Variants in ACTR3C observed in about 807,000 individuals in gnomAD.
ACTR3C encodes the protein actin-related protein 3C.
Under a neutral mutation model 26.3 loss-of-function variants are expected in ACTR3C, and 18 were observed. That is an observed-to-expected ratio of 0.68 (90% CI 0.47 to 1.01). ACTR3C has a LOEUF of 1.01. Ranked by LOEUF, ACTR3C falls within the 50% of genes least tolerant of loss-of-function variation. ACTR3C has a pLI of 0.00. For synonymous variants in ACTR3C, 55 were observed against 94.5 expected (o/e 0.58, Z 2.42); for missense variants, 184 against 250.7 (o/e 0.73, Z 1.80).
At chr7:150,024,936 G>T in the ACTR3C span, among the ~76,000 whole-genome samples, 1 of 151,876 alleles carries the variant, frequency 6.6e-6, no homozygotes, top group Admixed American at 6.6e-5. Context: ...GCAGCAAAGC[G>T]CAGGCGGCTT....
At chr7:150,098,239 T>C in the ACTR3C span, among the ~76,000 whole-genome samples, 1 of 151,822 alleles carries the variant, frequency 6.6e-6, no homozygotes, top group African/African-American at 2.4e-5. Context: ...ATTCTTGTCG[T>C]TGAGAAAGAT....
At chr7:149,975,841 A>G in the ACTR3C span, among the ~76,000 whole-genome samples, 13 of 152,188 alleles carry the variant, frequency 8.5e-5, no homozygotes, top group Non-Finnish European at 4.4e-5. Flanking sequence ...CAAGAACAGC[A>G]TGGGGGAAAC....
At chr7:150,242,468 A>C (rs1832244236), downstream of ACTR3C, among the ~76,000 whole-genome samples, 1 of 150,894 alleles carries the variant, frequency 6.6e-6, no homozygotes, top group African/African-American at 2.5e-5. Flanking sequence ...ACTCAGGCCT[A>C]AACATGTATA....
intron 1 of ACTR3C, among the ~76,000 whole-genome samples, chr7:150,315,155 A>T (rs1023146388): frequency 6.7e-6 from 1 of 148,538 alleles, no homozygotes; most frequent in Non-Finnish European, 1.5e-5. Context: ...TTATTATTTT[A>T]AAAATACATA....
chr7:150,267,089 T>A (rs1834097000), intron 6 of ACTR3C, among the ~76,000 whole-genome samples: 1 of 152,178 alleles, frequency 6.6e-6, no homozygotes. Flanking sequence ...AACTCAAATG[T>A]CCACCAGCAG....
chr7:150,312,135 C>T (rs1318722647), intron 1 of ACTR3C, among the ~76,000 whole-genome samples: 1 of 152,194 alleles, frequency 6.6e-6, no homozygotes, highest in African/African-American at 2.4e-5. Flanking sequence ...TGCCTCCACA[C>T]CTGCTAATAT....
the ACTR3C span, among the ~76,000 whole-genome samples, chr7:149,905,556 A>G: frequency 4.6e-5 from 7 of 151,106 alleles, no homozygotes; most frequent in Admixed American, 4.0e-4. Context: ...AGATGATAAA[A>G]GATAATTTTT....
chr7:149,930,863 C>T, the ACTR3C span, among the ~76,000 whole-genome samples: 82 of 151,484 alleles, frequency 5.4e-4, no homozygotes, highest in African/African-American at 1.9e-3. Context: ...TTCACTGCAA[C>T]CTCTGCCTTT....
the ACTR3C span, among the ~76,000 whole-genome samples, chr7:150,075,462 T>C: frequency 1.5e-4 from 23 of 151,396 alleles, no homozygotes; most frequent in Non-Finnish European, 2.9e-4. Flanking sequence ...AGACTCTCAT[T>C]GGTTTATATC....
the ACTR3C span, among the ~76,000 whole-genome samples, chr7:149,963,500 C>A: frequency 6.6e-6 from 1 of 152,208 alleles, no homozygotes; most frequent in African/African-American, 2.4e-5. Flanking sequence ...CTCTCCAGCT[C>A]GTGAGCCCTG....
the ACTR3C span, among the ~76,000 whole-genome samples, chr7:149,971,239 G>T: frequency 6.6e-6 from 1 of 152,126 alleles, no homozygotes; most frequent in Non-Finnish European, 1.5e-5. Flanking sequence ...TAAACCCAAG[G>T]AGCCATCACA....
the ACTR3C span, among the ~76,000 whole-genome samples, chr7:150,160,539 A>G: frequency 1.3e-5 from 2 of 152,238 alleles, no homozygotes; most frequent in African/African-American, 2.4e-5. Flanking sequence ...TGAGGAAAAG[A>G]AGATCTAGAG....
the ACTR3C span, among the ~76,000 whole-genome samples, chr7:150,181,636 CA>C: frequency 2.0e-5 from 3 of 150,564 alleles, no homozygotes; most frequent in African/African-American, 5.0e-5. Context: ...ACCCATTTCC[CA>C]ATGAGGGAAC....
At chr7:149,999,411 G>A in the ACTR3C span, among the ~76,000 whole-genome samples, 18 of 150,702 alleles carry the variant, frequency 1.2e-4, 4 homozygotes, top group Admixed American at 8.0e-4. Context: ...GCAGCACGGC[G>A]GGAGAGTGGA....
the ACTR3C span, among the ~76,000 whole-genome samples, chr7:149,953,665 C>G: frequency 6.6e-6 from 1 of 152,208 alleles, no homozygotes; most frequent in Non-Finnish European, 1.5e-5. Flanking sequence ...GTCTTCGTTG[C>G]CTTTTTATTC....
chr7:149,891,577 C>T, the ACTR3C span, among the ~76,000 whole-genome samples: 2 of 151,594 alleles, frequency 1.3e-5, no homozygotes, highest in Admixed American at 6.6e-5. Context: ...TCTAATCCAA[C>T]GCTTTGGGAG....
the ACTR3C span, among the ~76,000 whole-genome samples, chr7:150,188,487 C>T: frequency 7.3e-5 from 11 of 151,594 alleles, no homozygotes; most frequent in African/African-American, 2.7e-4. Context: ...AATAGAATTA[C>T]TGGGTCTATG....
intron 3 of ACTR3C, among the ~76,000 whole-genome samples, chr7:150,292,899 C>T (rs1294058801): frequency 3.3e-5 from 5 of 152,238 alleles, no homozygotes; most frequent in Non-Finnish European, 5.9e-5. Flanking sequence ...AATGGCCACG[C>T]ACTGCACCTA....
chr7:149,941,626 G>A, the ACTR3C span, among the ~76,000 whole-genome samples: 52 of 152,298 alleles, frequency 3.4e-4, no homozygotes, highest in African/African-American at 9.9e-4. Context: ...TCCTGATCCT[G>A]TCCCTCCCCA....
Sources: allele counts gnomAD v4.1 joint callset (sites outside exome capture counted in the v4.1 genomes callset), GRCh38; gene constraint gnomAD v4.1.1; transcripts MANE v1.5; gene names NCBI Gene and HGNC (gene_info 2026-07-23, HGNC 2026-07-21).